The following VWA3B variants were observed in gnomAD, a reference collection of about 807,000 sequenced individuals.
The protein encoded by VWA3B is von Willebrand factor A domain-containing protein 3B.
Under a neutral mutation model 158.3 loss-of-function variants are expected in VWA3B, and 138 were observed. The observed-to-expected ratio is 0.87, with a 90% confidence interval of 0.76 to 1.00. VWA3B has a LOEUF of 1.00. VWA3B is among the 50% of genes least tolerant of loss of function. The pLI, the probability that VWA3B is intolerant of heterozygous loss-of-function variation, is 0.00. For synonymous variants in VWA3B, 596 were observed against 587.3 expected (o/e 1.01, Z -0.21); for missense variants, 1,555 against 1,565.1 (o/e 0.99, Z 0.11).
rs899197544 is a variant in VWA3B, at chr2:98,150,769, C to T, written c.989-12082C>T. 2.6e-5 allele frequency among the ~76,000 whole-genome samples: 4 copies of T among 152,282 alleles called. No individual in the cohort carries two copies. In the South Asian group the frequency reaches 6.2e-4, roughly 24 times the overall value. On this transcript the variant is annotated intron_variant, in intron 7 of 27. Transcript: ENST00000477737. ...ATTCTAGACTGTCTATTCTAAAATT[C>T]GATTCATCTCCGCACCATCCTCTGA...
chr2:98,206,418 A>C (rs545855431), intron 12 of VWA3B: 1 of 277,278 alleles, frequency 3.6e-6, no homozygotes, highest in East Asian at 8.1e-5. Flanking sequence ...AGTACAAGGC[A>C]GGGAGACCAG....
chr2:98,267,505 C>G (rs938627924), intron 21 of VWA3B, among the ~76,000 whole-genome samples: 1 of 151,884 alleles, frequency 6.6e-6, no homozygotes, highest in African/African-American at 2.4e-5. Flanking sequence ...AACAAAGACA[C>G]AACATACCAG....
At chr2:98,119,873 C>T in intron 4 of VWA3B, 110 bp downstream of exon 4, 1 of 1,345,328 alleles carries the variant, frequency 7.4e-7, no homozygotes, top group Admixed American at 2.0e-5. Context: ...AGGGAAGAGG[C>T]ATTATCTTAT....
intron 8 of VWA3B, among the ~76,000 whole-genome samples, chr2:98,168,906 A>T (rs1040601718): frequency 6.6e-6 from 1 of 152,230 alleles, no homozygotes; most frequent in Non-Finnish European, 1.5e-5. Flanking sequence ...AGTAGAAGGG[A>T]CAGGGAACAG....
At chr2:98,274,498 A>G (rs1010607210) in intron 22 of VWA3B, among the ~76,000 whole-genome samples, 3 of 152,122 alleles carry the variant, frequency 2.0e-5, no homozygotes, top group Non-Finnish European at 4.4e-5. Context: ...GGAATTGGGG[A>G]CTGGGCTGTG....
intron 21 of VWA3B, among the ~76,000 whole-genome samples, chr2:98,267,847 G>A (rs1302260816): frequency 6.6e-6 from 1 of 151,772 alleles, no homozygotes; most frequent in African/African-American, 2.4e-5. Flanking sequence ...ATAAAAAATG[G>A]TAAGGGGGAT....
the VWA3B span, among the ~76,000 whole-genome samples, chr2:98,318,808 A>G: frequency 1.8e-3 from 277 of 152,350 alleles, 8 homozygotes; most frequent in East Asian, 0.049. Flanking sequence ...TATATTATTT[A>G]TCTATCATCT....
intron 2 of VWA3B, among the ~76,000 whole-genome samples, chr2:98,112,434 G>GT (rs375442348): frequency 1.1e-3 from 158 of 147,964 alleles, no homozygotes; most frequent in African/African-American, 3.3e-3. Context: ...ACTGGTTGAA[G>GT]TTTTTTTTTT....
chr2:98,312,118 C>T (rs749859716), intron 27 of VWA3B, 82 bp from the exon 28 acceptor site: 1 of 1,613,480 alleles, frequency 6.2e-7, no homozygotes, highest in Non-Finnish European at 8.5e-7. Context: ...CTAACATCGT[C>T]CTTCAGATTC....
chr2:98,185,728 G>T (rs764849359), intron 9 of VWA3B, among the ~76,000 whole-genome samples: 22 of 152,160 alleles, frequency 1.4e-4, no homozygotes, highest in Non-Finnish European at 2.5e-4. Context: ...TCCTTGTCCT[G>T]TCTAAGGCCA....
intron 26 of VWA3B, among the ~76,000 whole-genome samples, chr2:98,309,749 C>T (rs866463723): frequency 9.2e-5 from 14 of 152,170 alleles, no homozygotes; most frequent in Non-Finnish European, 1.6e-4. Context: ...CACTTAATCT[C>T]GCCTGGTCAC....
intron 13 of VWA3B, among the ~76,000 whole-genome samples, chr2:98,216,463 G>A (rs986504743): frequency 6.6e-6 from 1 of 152,262 alleles, no homozygotes; most frequent in Non-Finnish European, 1.5e-5. Flanking sequence ...TAGGGTATGT[G>A]AGGGCAGGAG....
intron 3 of VWA3B, among the ~76,000 whole-genome samples, chr2:98,119,009 G>A (rs532982843): frequency 2.6e-5 from 4 of 152,322 alleles, no homozygotes; most frequent in African/African-American, 4.8e-5. Flanking sequence ...AGCTTCACCC[G>A]AGAGAGGAGG....
At chr2:98,255,182 ATTT>A (rs769708577) in intron 20 of VWA3B, among the ~76,000 whole-genome samples, 8 of 52,132 alleles carry the variant, frequency 1.5e-4, no homozygotes, top group Non-Finnish European at 2.4e-4. Flanking sequence ...CCCGGCTGAT[ATTT>A]TTTTTTTTTT....
In VWA3B at chr2:98,134,104, C is replaced by T. The variant is rs971658170; in HGVS notation, c.988+165C>T. The T allele has an allele frequency of 6.3e-6, 4 of 633,498 alleles. No homozygotes were observed. In the African/African-American group the frequency reaches 7.3e-5, roughly 12 times the overall value. 39.2% of individuals were successfully genotyped at this position (633,498 alleles called of 1,614,324 possible). ...TAATGGATATTAGTGGTGAGTTTGT[C>T]AGCGTAGCAACCAGGCATAAGTTTA... is the stretch of plus-strand genomic sequence containing the variant. On this transcript the variant is annotated intron_variant, in intron 7 of 27. Transcript: ENST00000477737.
intron 14 of VWA3B, among the ~76,000 whole-genome samples, chr2:98,223,575 GA>G (rs1333938952): frequency 6.6e-6 from 1 of 151,882 alleles, no homozygotes; most frequent in African/African-American, 2.4e-5. Context: ...TAAAGACAAA[GA>G]AAAAAATGAG....
At chr2:98,298,058 G>A (rs756721638) in intron 24 of VWA3B, 27 bp downstream of exon 24, 6 of 1,462,554 alleles carry the variant, frequency 4.1e-6, no homozygotes, top group Non-Finnish European at 5.4e-6. Flanking sequence ...GTGTTCTGGG[G>A]CCCCTTTTCA....
intron 12 of VWA3B, among the ~76,000 whole-genome samples, chr2:98,195,411 T>G (rs907560431): frequency 3.3e-5 from 5 of 152,234 alleles, no homozygotes; most frequent in African/African-American, 1.2e-4. Context: ...AGGGCTCCCT[T>G]GTGACTTGTT....
rs550429691 is a variant in VWA3B at position 98,138,163 on chromosome 2, G to A, written c.988+4224G>A. On this transcript the variant is annotated intron_variant, in intron 7 of 27. Transcript: ENST00000477737. ...TGTCTGAATGTCTGCCATCTCTTGG[G>A]CCATGTGAACTTGCTCTCATGTAAG... Among the ~76,000 whole-genome samples, 4 of 152,220 alleles carry A rather than the reference G, an allele frequency of 2.6e-5. No individual in the cohort carries two copies. In the East Asian group the frequency reaches 7.7e-4, roughly 29 times the overall value.
Sources: allele counts gnomAD v4.1 joint callset (sites outside exome capture counted in the v4.1 genomes callset), GRCh38; gene constraint gnomAD v4.1.1; transcripts MANE v1.5; gene names NCBI Gene and HGNC (gene_info 2026-07-23, HGNC 2026-07-21).